The following C1QTNF9 variants were observed in gnomAD, a reference collection of about 807,000 sequenced individuals.
C1QTNF9 encodes the protein C1q and TNF related 9, also known as complement C1q and tumor necrosis factor-related protein 9A.
A neutral mutation model predicts 10.1 loss-of-function variants in C1QTNF9; 6 were observed. The observed-to-expected ratio is 0.59, with a 90% confidence interval of 0.32 to 1.17. C1QTNF9 has a LOEUF of 1.17. Ranked by LOEUF, C1QTNF9 falls within the 50% of genes most tolerant of loss-of-function variation. The probability of loss-of-function intolerance (pLI) is 0.04; values close to 1 mark genes in which losing one functional copy is unlikely to be tolerated. For missense variants in C1QTNF9, 201 were observed against 418.8 expected (o/e 0.48, Z 4.54); for synonymous variants, 98 against 163.5 (o/e 0.60, Z 3.06).
At chr13:24,311,711 A>G (rs1344468348) in intron 1 of C1QTNF9, among the ~76,000 whole-genome samples, 1 of 152,180 alleles carries the variant, frequency 6.6e-6, no homozygotes, top group Non-Finnish European at 1.5e-5. Context: ...CCCAAATAAC[A>G]GTGGCTTATG....
chr13:24,315,507 G>A (rs1350923032), intron 1 of C1QTNF9, among the ~76,000 whole-genome samples: 2 of 152,220 alleles, frequency 1.3e-5, no homozygotes, highest in Non-Finnish European at 2.9e-5. Flanking sequence ...ATGGACATCT[G>A]TTCCAGTCCT....
Position 24,311,990 on chromosome 13 carries a change from C to T in C1QTNF9, c.-23+2374C>T, listed in dbSNP as rs186227918. 8.5e-5 allele frequency among the ~76,000 whole-genome samples: 13 copies of T among 152,292 alleles called. No homozygotes were observed. The South Asian group carries it at 1.0e-3, about 12-fold the overall frequency. On this transcript the variant is annotated intron_variant, in intron 1 of 3. Coordinates refer to ENST00000332018, the Ensembl canonical transcript of C1QTNF9. ...GCCCGTAATCTAGCTCATGGTCATA[C>T]CCAGGCTGCAAGGGAGGCTAGGGAG...
upstream of C1QTNF9, among the ~76,000 whole-genome samples, chr13:24,309,283 T>TTATATATATATATATATATATATTTA (rs1877722541): frequency 1.5e-5 from 1 of 68,266 alleles, no homozygotes; most frequent in Non-Finnish European, 3.4e-5. Flanking sequence ...ACTTAAAGTA[T>TTATATATATATATATATATATATTTA]TATATATATA....
At chr13:24,307,968 C>T (rs989873105), upstream of C1QTNF9, among the ~76,000 whole-genome samples, 3 of 152,228 alleles carry the variant, frequency 2.0e-5, no homozygotes, top group African/African-American at 4.8e-5. Flanking sequence ...AGCCGGCTTC[C>T]CACGGACCCC....
At chr13:24,316,307 A>G in intron 2 of C1QTNF9, 138 bp downstream of exon 2, 1 of 1,281,704 alleles carries the variant, frequency 7.8e-7, no homozygotes, top group Middle Eastern at 2.7e-4. Context: ...AGCAACACTC[A>G]CTGGAGCCTG....
At chr13:24,315,386 C>T (rs904594431) in intron 1 of C1QTNF9, among the ~76,000 whole-genome samples, 6 of 152,220 alleles carry the variant, frequency 3.9e-5, no homozygotes, top group African/African-American at 1.4e-4. Context: ...AGAATTTCTT[C>T]TCTTTCTAAG....
chr13:24,307,584 T>G (rs879854984), upstream of C1QTNF9, among the ~76,000 whole-genome samples: 3 of 152,254 alleles, frequency 2.0e-5, no homozygotes, highest in Non-Finnish European at 2.9e-5. Flanking sequence ...TGCCCACTTT[T>G]TGTTTACTCT....
intron 3 of C1QTNF9, 42 bp downstream of exon 3, chr13:24,318,922 G>A (rs761599171): frequency 6.8e-6 from 11 of 1,608,036 alleles, no homozygotes; most frequent in East Asian, 2.2e-5. Context: ...CTGAGCTGTC[G>A]ACTATTTAAC....
At chr13:24,315,226 C>G (rs1877980239) in intron 1 of C1QTNF9, among the ~76,000 whole-genome samples, 1 of 152,220 alleles carries the variant, frequency 6.6e-6, no homozygotes. Context: ...CTCTTCACCT[C>G]TGGCAACCTC....
At chr13:24,319,430 C>A (rs9507302) in intron 3 of C1QTNF9, among the ~76,000 whole-genome samples, 1 of 151,768 alleles carries the variant, frequency 6.6e-6, no homozygotes, top group African/African-American at 2.4e-5. Context: ...TCCCAGCTAC[C>A]CAGGAGGCTG....
At chr13:24,311,607 A>G (rs768707060) in intron 1 of C1QTNF9, among the ~76,000 whole-genome samples, 1 of 152,250 alleles carries the variant, frequency 6.6e-6, no homozygotes, top group Non-Finnish European at 1.5e-5. Flanking sequence ...GGCTGACTAC[A>G]GATGTCTGCA....
chr13:24,308,460 G>A (rs765367550), upstream of C1QTNF9, among the ~76,000 whole-genome samples: 1 of 152,206 alleles, frequency 6.6e-6, no homozygotes, highest in South Asian at 2.1e-4. Flanking sequence ...GGGTGCCGGG[G>A]AGAAGCCAGA....
chr13:24,318,592 G>A (rs549828793), intron 2 of C1QTNF9, among the ~76,000 whole-genome samples: 1 of 152,076 alleles, frequency 6.6e-6, no homozygotes, highest in African/African-American at 2.4e-5. Context: ...GGGCGCTTGG[G>A]AAGTCACTCA....
chr13:24,318,982 G>A, intron 3 of C1QTNF9, 102 bp downstream of exon 3: 1 of 1,508,636 alleles, frequency 6.6e-7, no homozygotes, highest in Non-Finnish European at 9.2e-7. Flanking sequence ...TTACAATAAA[G>A]GCAACACAGT....
chr13:24,318,960 C>G, intron 3 of C1QTNF9, 80 bp downstream of exon 3: 1 of 1,563,044 alleles, frequency 6.4e-7, no homozygotes, highest in Non-Finnish European at 8.8e-7. Context: ...GTCCTCCATG[C>G]TGATTATAAT....
chr13:24,318,835 G>A, exon 3 of C1QTNF9: 1 of 1,614,250 alleles, frequency 6.2e-7, no homozygotes, highest in South Asian at 1.1e-5. Context: ...AGGACGTCCT[G>A]GCAGCCCGGG....
intron 2 of C1QTNF9, among the ~76,000 whole-genome samples, chr13:24,317,668 T>C (rs369865300): frequency 1.1e-4 from 17 of 152,148 alleles, no homozygotes; most frequent in African/African-American, 2.9e-4. Flanking sequence ...ATACTACCTG[T>C]GCATAATGTA....
At chr13:24,313,801 T>A (rs147241426) in intron 1 of C1QTNF9, among the ~76,000 whole-genome samples, 1 of 152,232 alleles carries the variant, frequency 6.6e-6, no homozygotes, top group Admixed American at 6.5e-5. Context: ...AAAGCAACCA[T>A]CTTTATTTGC....
chr13:24,310,652 A>G (rs1197150526), intron 1 of C1QTNF9, among the ~76,000 whole-genome samples: 8 of 151,200 alleles, frequency 5.3e-5, no homozygotes, highest in African/African-American at 1.5e-4. Flanking sequence ...GGTGGCTCAC[A>G]CCTGTAATCC....
Sources: gnomAD v4.1 joint callset for allele counts (sites outside exome capture counted in the v4.1 genomes callset) on GRCh38, gnomAD v4.1.1 for gene constraint, MANE v1.5 for transcripts, NCBI Gene and HGNC (gene_info 2026-07-23, HGNC 2026-07-21) for gene names.